Variants in MYO5A observed in about 807,000 individuals in gnomAD.
MYO5A encodes the protein unconventional myosin-Va.
In MYO5A, 98 loss-of-function variants were observed where a neutral mutation model predicts 249.7. That is an observed-to-expected ratio of 0.39 (90% CI 0.33 to 0.46). MYO5A has a LOEUF of 0.46. MYO5A is among the 20% of genes least tolerant of loss of function. The pLI, the probability that MYO5A is intolerant of heterozygous loss-of-function variation, is 0.98. For synonymous variants in MYO5A, 778 were observed against 810.6 expected, an observed-to-expected ratio of 0.96 and a Z score of 0.68; for missense variants, 1,696 against 2,308.8, an observed-to-expected ratio of 0.73 and a Z score of 5.44.
At chr15:52,340,462 C>T in intron 31 of MYO5A, 68 bp from the exon 32 acceptor site, 1 of 1,368,132 alleles carries the variant, frequency 7.3e-7, no homozygotes, top group South Asian at 1.2e-5. Context: ...GGGTGTAAGG[C>T]ATCGTGTTCA....
intron 5 of MYO5A, among the ~76,000 whole-genome samples, chr15:52,414,514 T>C (rs971085158): frequency 6.6e-6 from 1 of 152,128 alleles, no homozygotes; most frequent in Admixed American, 6.5e-5. Flanking sequence ...ACTCAACTCA[T>C]GAAAAATTCT....
rs1176761241 is a variant in MYO5A at position 52,334,524 on chromosome 15, A to G, written c.4408+1939T>C. 2.6e-5 allele frequency among the ~76,000 whole-genome samples: 4 copies of G among 152,242 alleles called. No individual in the cohort carries two copies. The East Asian group carries it at 5.8e-4, about 22-fold the overall frequency. Reference sequence around the variant, plus strand: ...ATGACTCATGTAATGCTAAAGGATTATATATAAAGTGTGACTATAAAATAA... The same window carrying G: ...ATGACTCATGTAATGCTAAAGGATTGTATATAAAGTGTGACTATAAAATAA... On this transcript the variant is annotated intron_variant, in intron 34 of 41. Coordinates refer to ENST00000399233, the MANE Select transcript of MYO5A (RefSeq NM_001382347.1).
chr15:52,364,471 T>C (rs1251401521), intron 24 of MYO5A, 83 bp downstream of exon 24: 2 of 1,320,100 alleles, frequency 1.5e-6, no homozygotes, highest in Non-Finnish European at 2.1e-6. Context: ...ACAGAAGATA[T>C]GGAGGTTCAT....
intron 20 of MYO5A, among the ~76,000 whole-genome samples, 173 bp downstream of exon 20, chr15:52,375,131 C>A (rs1453425699): frequency 2.6e-5 from 4 of 151,988 alleles, no homozygotes; most frequent in Non-Finnish European, 4.4e-5. Flanking sequence ...GGTGACAGAG[C>A]GAGATCCTAT....
chr15:52,405,149 T>A (rs2042949278), intron 9 of MYO5A, 138 bp downstream of exon 9: 1 of 724,752 alleles, frequency 1.4e-6, no homozygotes, highest in South Asian at 1.5e-5. Flanking sequence ...AGATTCTCCT[T>A]TGGATAACAT....
chr15:52,359,591 C>T (rs868756989), intron 25 of MYO5A, among the ~76,000 whole-genome samples: 4 of 151,960 alleles, frequency 2.6e-5, no homozygotes, highest in Non-Finnish European at 2.9e-5. Context: ...CTGTCTACAG[C>T]GGTGGTCCAC....
In MYO5A at chr15:52,310,831, G is replaced by T. The variant is rs2037750563; in HGVS notation, c.*2865C>A. ...GGCCCAAAGATCCCCATAGTCGGCA[G>T]AATCTTCTTGTACCTTCAAGAAAAT... is the stretch of plus-strand genomic sequence containing the variant. On this transcript the variant is annotated 3_prime_UTR_variant, in exon 42 of 42. Transcript: ENST00000399233. 6.6e-6 allele frequency: 1 copy of T among 152,248 alleles called. No individual in the cohort carries two copies. The highest frequency in any genetic ancestry group is 1.5e-5 in the Non-Finnish European group (1 of 68,068). The allele number at this position is 152,248 out of a possible 1,614,324, so 9.4% of individuals were successfully genotyped here.
chr15:52,308,506 C>T lies in MYO5A; in HGVS notation c.*5190G>A. 1 of 152,128 alleles carries T rather than the reference C, an allele frequency of 6.6e-6. No individual in the cohort carries two copies. Among genetic ancestry groups the T allele is most frequent in the East Asian group, 1.9e-4 (1 of 5,206 alleles). The allele number at this position is 152,128 out of a possible 1,614,324, so 9.4% of individuals were successfully genotyped here. On this transcript the variant is annotated 3_prime_UTR_variant, in exon 42 of 42. Transcript: ENST00000399233. ...AGAAAGCAAGACATTTAAGTATTAC[C>T]AAGAATCTAACTTATCTCCATAATT...
intron 1 of MYO5A, among the ~76,000 whole-genome samples, chr15:52,528,336 G>A (rs1430593230): frequency 6.6e-6 from 1 of 152,234 alleles, no homozygotes; most frequent in Non-Finnish European, 1.5e-5. Flanking sequence ...GCTGGCGGTA[G>A]AAGCGGCACT....
At chr15:52,470,601 G>C (rs1263437558) in intron 1 of MYO5A, among the ~76,000 whole-genome samples, 2 of 151,986 alleles carry the variant, frequency 1.3e-5, no homozygotes, top group Non-Finnish European at 2.9e-5. Context: ...GGTGAGCCAA[G>C]ATCGCACCAT....
intron 14 of MYO5A, among the ~76,000 whole-genome samples, chr15:52,385,145 A>C (rs894358121): frequency 1.2e-4 from 18 of 152,334 alleles, no homozygotes; most frequent in African/African-American, 4.3e-4. Context: ...AATCCAAAGG[A>C]ACATCTTGAT....
intron 1 of MYO5A, among the ~76,000 whole-genome samples, chr15:52,440,963 G>T (rs149317178): frequency 6.6e-6 from 1 of 152,144 alleles, no homozygotes; most frequent in Admixed American, 6.5e-5. Context: ...TTGCAAAAAT[G>T]AGTGCTTTAT....
chr15:52,351,153 A>G (rs1206119210), intron 28 of MYO5A, 101 bp downstream of exon 28: 1 of 884,220 alleles, frequency 1.1e-6, no homozygotes, highest in Non-Finnish European at 1.9e-6. Context: ...TAGATTAAAA[A>G]TGCTCTTAAG....
intron 1 of MYO5A, among the ~76,000 whole-genome samples, chr15:52,445,355 A>G (rs1345588146): frequency 1.3e-5 from 2 of 152,036 alleles, no homozygotes; most frequent in Admixed American, 6.6e-5. Context: ...CCTCCCTAGA[A>G]GCAGATGCCG....
intron 3 of MYO5A, 101 bp from the exon 4 acceptor site, chr15:52,426,075 C>G (rs2075388343): frequency 9.7e-7 from 1 of 1,027,426 alleles, no homozygotes; most frequent in Non-Finnish European, 1.5e-6. Flanking sequence ...CACAATCCTT[C>G]ATTTCAATTT....
chr15:52,434,625 A>T (rs1308899390), intron 1 of MYO5A, among the ~76,000 whole-genome samples: 2 of 152,204 alleles, frequency 1.3e-5, no homozygotes, highest in African/African-American at 4.8e-5. Context: ...CATAAGCCAG[A>T]AGATTATGTG....
chr15:52,408,118 T>C lies in MYO5A; in HGVS notation c.779A>G (p.His260Arg). 3.7e-6 allele frequency: 6 copies of C among 1,606,404 alleles called. No homozygotes were observed. The highest frequency in any genetic ancestry group is 5.1e-6 in the Non-Finnish European group (6 of 1,173,930). The change falls in exon 7 of 42, where the codon CAT (histidine) becomes CGT (arginine). Residue 260 changes from histidine (H) to arginine (R), a missense_variant. His to Arg is a conservative substitution (Grantham distance 29). This residue lies in a region of MYO5A where 197 missense variants were observed against 320.3 expected (regional missense o/e 0.62). Coordinates refer to ENST00000399233, the MANE Select transcript of MYO5A (RefSeq NM_001382347.1). ...VFQAEEERNY[H>R]IFYQLCASAK... ...TGAGGCACAAAGCTGATAGAAGATA[T>C]GATAGTTTCTCTCCTCTTCTGCCTT...
chr15:52,497,499 G>C (rs186102854), intron 1 of MYO5A, among the ~76,000 whole-genome samples: 90 of 151,504 alleles, frequency 5.9e-4, no homozygotes, highest in Admixed American at 3.5e-3. Context: ...GCTCACATCT[G>C]TAATCCTAGT....
intron 41 of MYO5A, 58 bp downstream of exon 41, chr15:52,314,064 CA>C: frequency 1.4e-6 from 2 of 1,438,646 alleles, no homozygotes; most frequent in Non-Finnish European, 2.0e-6. Context: ...CAATAAATTA[CA>C]AAATGTCCAT....
Sources: gnomAD v4.1 joint callset for allele counts (sites outside exome capture counted in the v4.1 genomes callset) on GRCh38, gnomAD v4.1.1 for gene constraint, gnomAD v4.1.1 regional missense constraint, MANE v1.5 for transcripts, NCBI Gene and HGNC (gene_info 2026-07-23, HGNC 2026-07-21) for gene names.